SMPD3: variants seen among roughly 807,000 people sequenced by gnomAD.
SMPD3 encodes sphingomyelin phosphodiesterase 3.
A neutral mutation model predicts 55.7 loss-of-function variants in SMPD3; 21 were observed. The observed-to-expected ratio is 0.38, with a 90% confidence interval of 0.27 to 0.54. The LOEUF (loss-of-function observed/expected upper bound fraction) is 0.54. SMPD3 is among the 20% of genes least tolerant of loss of function. The pLI, the probability that SMPD3 is intolerant of heterozygous loss-of-function variation, is 0.80. For synonymous variants in SMPD3, 457 were observed against 404.3 expected (o/e 1.13, Z -1.56); for missense variants, 842 against 899.6 (o/e 0.94, Z 0.82).
intron 1 of SMPD3, among the ~76,000 whole-genome samples, chr16:68,403,724 G>A (rs1733470975): frequency 6.6e-6 from 1 of 152,234 alleles, no homozygotes; most frequent in East Asian, 1.9e-4. Flanking sequence ...GATTTGCTGA[G>A]GTTTGATTGT....
chr16:68,364,650 G>A (rs1252121530), intron 5 of SMPD3, 101 bp downstream of exon 5: 9 of 1,335,154 alleles, frequency 6.7e-6, no homozygotes, highest in African/African-American at 1.5e-5. Flanking sequence ...CTCTCGAGGA[G>A]CAGGAATTCT....
At chr16:68,442,829 C>G (rs1240365105) in intron 1 of SMPD3, among the ~76,000 whole-genome samples, 1 of 152,172 alleles carries the variant, frequency 6.6e-6, no homozygotes, top group African/African-American at 2.4e-5. Context: ...TCATATGAGT[C>G]AGAGCAGACC....
At chr16:68,411,055 T>C (rs1454798876) in intron 1 of SMPD3, among the ~76,000 whole-genome samples, 1 of 152,170 alleles carries the variant, frequency 6.6e-6, no homozygotes, top group Non-Finnish European at 1.5e-5. Flanking sequence ...AGGCCAGAGT[T>C]TAAGGAGCCA....
intron 2 of SMPD3, among the ~76,000 whole-genome samples, chr16:68,383,541 C>T (rs1385536759): frequency 6.6e-6 from 1 of 152,154 alleles, no homozygotes; most frequent in Non-Finnish European, 1.5e-5. Context: ...TTGGTCCTGG[C>T]GCCATCCTCT....
intron 1 of SMPD3, among the ~76,000 whole-genome samples, chr16:68,413,827 T>C (rs758147013): frequency 9.2e-5 from 14 of 152,326 alleles, no homozygotes; most frequent in Admixed American, 2.6e-4. Flanking sequence ...TCAGAATCCC[T>C]GACCAGCTGC....
At chr16:68,431,084 C>T (rs1032363531) in intron 1 of SMPD3, among the ~76,000 whole-genome samples, 2 of 152,068 alleles carry the variant, frequency 1.3e-5, no homozygotes, top group Admixed American at 6.5e-5. Context: ...GGGCACCATA[C>T]CAGTGGGAGG....
intron 1 of SMPD3, among the ~76,000 whole-genome samples, chr16:68,397,214 A>G (rs1414745242): frequency 6.6e-6 from 1 of 152,060 alleles, no homozygotes; most frequent in African/African-American, 2.4e-5. Context: ...AGGGAGGAAC[A>G]CCCCAGGGGT....
At chr16:68,377,912 AG>A (rs1412335003) in intron 2 of SMPD3, among the ~76,000 whole-genome samples, 3 of 152,194 alleles carry the variant, frequency 2.0e-5, no homozygotes, top group Admixed American at 2.0e-4. Flanking sequence ...CCTGTGAGGA[AG>A]CCTACAGCAT....
chr16:68,391,643 A>C (rs1033633043), intron 1 of SMPD3, among the ~76,000 whole-genome samples: 3 of 152,172 alleles, frequency 2.0e-5, no homozygotes, highest in African/African-American at 7.2e-5. Context: ...AGGGGAGACA[A>C]GCAGGAAGGC....
At chr16:68,446,989 C>A (rs566872072) in intron 1 of SMPD3, among the ~76,000 whole-genome samples, 2 of 152,314 alleles carry the variant, frequency 1.3e-5, no homozygotes, top group African/African-American at 4.8e-5. Context: ...TTTTCCATCC[C>A]GGCTCGCGCG....
intron 2 of SMPD3, among the ~76,000 whole-genome samples, chr16:68,381,024 T>A (rs1235320504): frequency 6.6e-6 from 1 of 152,236 alleles, no homozygotes; most frequent in Admixed American, 6.5e-5. Flanking sequence ...AAGTTTTCTA[T>A]GCAAAGAACA....
intron 1 of SMPD3, among the ~76,000 whole-genome samples, chr16:68,421,507 C>T (rs952665543): frequency 6.6e-6 from 1 of 152,182 alleles, no homozygotes; most frequent in Admixed American, 6.5e-5. Flanking sequence ...TGGCAATGAG[C>T]CAGGGGGACA....
chr16:68,397,321 A>G lies in SMPD3; in HGVS notation c.-268-10662T>C, dbSNP rs1187810232. Among the ~76,000 whole-genome samples, 3 of 152,192 alleles carry G rather than the reference A, an allele frequency of 2.0e-5. No individual in the cohort carries two copies. In the East Asian group the frequency reaches 5.8e-4, roughly 29 times the overall value. ...GATGCTGCCATGATTTGTTCTTAAC[A>G]CTGGAGTGTGAATTCATCCATCAAC... On this transcript the variant is annotated intron_variant, in intron 1 of 8. Coordinates refer to ENST00000219334, the MANE Select transcript of SMPD3 (RefSeq NM_018667.4).
rs754101438 is a variant in SMPD3, at chr16:68,361,675, C to T, written c.1794G>A (p.Leu598=). The T allele has an allele frequency of 6.2e-7, 1 of 1,612,876 alleles. No homozygotes were observed. The highest frequency in any genetic ancestry group is 1.1e-5 in the South Asian group (1 of 91,090). ...CGATGCGCCGGCCGTTGCCCTTCAG[C>T]AGCTCCTTCCGCCCCTTCTGGCCCG... ...KSSGQKGRKE[L]LKGNGRRIDY... is the part of the protein sequence containing the mutation. Residue 598 remains leucine, a synonymous_variant, in exon 8 of 9, where the codon CTG becomes CTA. Coordinates refer to ENST00000219334, the MANE Select transcript of SMPD3 (RefSeq NM_018667.4).
chr16:68,365,234 C>T (rs914121570), intron 3 of SMPD3, 142 bp from the exon 4 acceptor site: 3 of 777,826 alleles, frequency 3.9e-6, no homozygotes, highest in Admixed American at 2.2e-5. Context: ...CGAGTAGGGA[C>T]AGGATGTGTC....
intron 1 of SMPD3, among the ~76,000 whole-genome samples, chr16:68,421,639 A>T (rs1190146103): frequency 6.6e-6 from 1 of 152,196 alleles, no homozygotes; most frequent in Non-Finnish European, 1.5e-5. Context: ...TCCCAGACAC[A>T]TCTCTTTGAC....
rs760238313 is a variant in SMPD3, at chr16:68,418,124, C to T, written c.-269+30229G>A. Among the ~76,000 whole-genome samples the T allele has an allele frequency of 3.6e-4, 54 of 152,098 alleles. 1 individual carries two copies. The highest frequency in any genetic ancestry group is 6.5e-5 in the Admixed American group (1 of 15,282). ...GCCCCCACTCCCTTCCTGTTGTGTG[C>T]GGGCTGTCAGCCAAGGTGCATTTCT... On this transcript the variant is annotated intron_variant, in intron 1 of 8. Transcript: ENST00000219334.
At chr16:68,428,156 A>G (rs979372106) in intron 1 of SMPD3, among the ~76,000 whole-genome samples, 1 of 152,196 alleles carries the variant, frequency 6.6e-6, no homozygotes, top group Non-Finnish European at 1.5e-5. Context: ...CATCATGGAG[A>G]CAAACTCACT....
chr16:68,426,563 G>A (rs947782907), intron 1 of SMPD3, among the ~76,000 whole-genome samples: 2 of 152,172 alleles, frequency 1.3e-5, no homozygotes, highest in Admixed American at 1.3e-4. Context: ...ATATCTGAAG[G>A]AGAGACATGC....
Sources: allele counts gnomAD v4.1 joint callset (sites outside exome capture counted in the v4.1 genomes callset), GRCh38; gene constraint gnomAD v4.1.1; transcripts MANE v1.5; gene names NCBI Gene and HGNC (gene_info 2026-07-23, HGNC 2026-07-21).